CNBD1: variants seen among roughly 807,000 people sequenced by gnomAD.
CNBD1 encodes the protein cyclic nucleotide-binding domain-containing protein 1.
In CNBD1, 71 loss-of-function variants were observed where a neutral mutation model predicts 54.4. The ratio of observed to expected loss-of-function variants is 1.30; its 90% CI spans 1.08 to 1.59. The LOEUF (loss-of-function observed/expected upper bound fraction) is 1.59. Ranked by LOEUF, CNBD1 falls within the 40% of genes most tolerant of loss-of-function variation. The pLI, the probability that CNBD1 is intolerant of heterozygous loss-of-function variation, is 0.00. For missense variants in CNBD1, 659 were observed against 518.0 expected (o/e 1.27, Z -2.64); for synonymous variants, 182 against 170.7 (o/e 1.07, Z -0.51).
At chr8:87,055,288 C>T (rs1304151510) in intron 4 of CNBD1, among the ~76,000 whole-genome samples, 1 of 152,180 alleles carries the variant, frequency 6.6e-6, no homozygotes, top group Non-Finnish European at 1.5e-5. Context: ...AAACTTCTCT[C>T]ATCTCTGTTG....
At chr8:87,212,716 C>T (rs1814126269) in intron 5 of CNBD1, among the ~76,000 whole-genome samples, 1 of 151,930 alleles carries the variant, frequency 6.6e-6, no homozygotes, top group Non-Finnish European at 1.5e-5. Context: ...AAACATGAAT[C>T]AAGGATATAA....
intron 5 of CNBD1, among the ~76,000 whole-genome samples, chr8:87,207,763 G>C (rs960366385): frequency 6.6e-6 from 1 of 151,876 alleles, no homozygotes; most frequent in African/African-American, 2.4e-5. Context: ...CGTGATTGAC[G>C]ATTAAAATAT....
At chr8:87,007,163 TTCCAGCCTGGG>T (rs1563855825) in intron 4 of CNBD1, among the ~76,000 whole-genome samples, 1 of 151,650 alleles carries the variant, frequency 6.6e-6, no homozygotes, top group Non-Finnish European at 1.5e-5. Context: ...CGCCATTGCA[TTCCAGCCTGGG>T]TGACAAGAGT....
At chr8:87,358,900 G>T (rs1396175861) in intron 10 of CNBD1, among the ~76,000 whole-genome samples, 8 of 152,150 alleles carry the variant, frequency 5.3e-5, no homozygotes, top group Non-Finnish European at 1.0e-4. Context: ...GAGATAGACA[G>T]AATTCCTCTG....
intron 10 of CNBD1, among the ~76,000 whole-genome samples, chr8:87,369,689 T>C (rs1210366930): frequency 6.6e-6 from 1 of 151,998 alleles, no homozygotes; most frequent in Non-Finnish European, 1.5e-5. Context: ...TTGAGTATCA[T>C]TTGTGGATGA....
At chr8:87,227,815 G>A (rs1046622855) in intron 5 of CNBD1, among the ~76,000 whole-genome samples, 1 of 149,494 alleles carries the variant, frequency 6.7e-6, no homozygotes. Context: ...AAATTCTCCT[G>A]GATAATATCC....
intron 2 of CNBD1, among the ~76,000 whole-genome samples, chr8:87,426,374 C>T (rs745542133): frequency 7.2e-5 from 11 of 152,122 alleles, no homozygotes; most frequent in Non-Finnish European, 1.3e-4. Context: ...TTATTAAATG[C>T]AACATCATGA....
intron 4 of CNBD1, among the ~76,000 whole-genome samples, chr8:87,103,223 T>C (rs1811467714): frequency 6.6e-6 from 1 of 151,942 alleles, no homozygotes; most frequent in Non-Finnish European, 1.5e-5. Context: ...GTATGGTGAG[T>C]AGGATGGGAA....
intron 4 of CNBD1, among the ~76,000 whole-genome samples, chr8:87,183,072 T>G (rs1813390957): frequency 6.6e-6 from 1 of 152,164 alleles, no homozygotes; most frequent in Admixed American, 6.5e-5. Context: ...GAGTTGATTT[T>G]TGAATATGGT....
In CNBD1 at chr8:87,353,848, T is replaced by A. The variant is rs566858067; in HGVS notation, c.1303+62T>A. Reference sequence around the variant, plus strand: ...TTATTGGATGAGTTCTTAAATTTTTTAAATTTTTTTCCTTATTAATCAGAT... The same window carrying A: ...TTATTGGATGAGTTCTTAAATTTTTAAAATTTTTTTCCTTATTAATCAGAT... On this transcript the variant is annotated intron_variant, in intron 10 of 10. Transcript: ENST00000518476. The A allele has an allele frequency of 5.2e-5, 70 of 1,337,686 alleles. 1 individual carries two copies. The highest frequency in any genetic ancestry group is 7.6e-5 in the Admixed American group (3 of 39,730). The allele number at this position is 1,337,686 out of a possible 1,614,324, so 82.9% of individuals were successfully genotyped here.
chr8:87,182,578 T>C lies in CNBD1; in HGVS notation c.432-23415T>C, dbSNP rs1187283294. Among the ~76,000 whole-genome samples, 2 of 152,164 alleles carry C rather than the reference T, an allele frequency of 1.3e-5. No homozygotes were observed. Among genetic ancestry groups the C allele is most frequent in the Non-Finnish European group, 2.9e-5 (2 of 68,028 alleles). Reference sequence around the variant, plus strand: ...TTGTTATTTTTTGACTTTTTAATGATAGCCATTCTGACTGATACGAGATGG... The same window carrying C: ...TTGTTATTTTTTGACTTTTTAATGACAGCCATTCTGACTGATACGAGATGG... On this transcript the variant is annotated intron_variant, in intron 4 of 10. Transcript: ENST00000518476. The surrounding 1 kb of genome is among the most constrained non-coding windows in gnomAD (Gnocchi z 4.1).
intron 4 of CNBD1, among the ~76,000 whole-genome samples, chr8:87,090,865 G>A (rs1174540676): frequency 6.6e-6 from 1 of 152,128 alleles, no homozygotes; most frequent in Non-Finnish European, 1.5e-5. Flanking sequence ...GTTAGGCTGT[G>A]CACGGTGGCT....
downstream of CNBD1, among the ~76,000 whole-genome samples, chr8:87,384,904 A>G (rs944515559): frequency 2.0e-5 from 3 of 152,202 alleles, no homozygotes; most frequent in African/African-American, 7.2e-5. Context: ...ACATTGTAAA[A>G]GATGGAATCA....
chr8:87,173,408 C>T (rs1423783726), intron 4 of CNBD1, among the ~76,000 whole-genome samples: 1 of 152,084 alleles, frequency 6.6e-6, no homozygotes, highest in Non-Finnish European at 1.5e-5. Context: ...TCTTATTGCT[C>T]ATTAACTTTC....
chr8:87,312,212 A>G (rs1809282530), intron 8 of CNBD1, among the ~76,000 whole-genome samples: 1 of 151,984 alleles, frequency 6.6e-6, no homozygotes, highest in Non-Finnish European at 1.5e-5. Flanking sequence ...AAATAAAACT[A>G]CTATATCGAT....
At chr8:87,249,403 A>G (rs1490866245) in intron 6 of CNBD1, among the ~76,000 whole-genome samples, 1 of 152,130 alleles carries the variant, frequency 6.6e-6, no homozygotes, top group East Asian at 1.9e-4. Flanking sequence ...GCCACAGAGC[A>G]GTATAAATCT....
intron 1 of CNBD1, among the ~76,000 whole-genome samples, chr8:86,875,722 T>G (rs1808510695): frequency 6.6e-6 from 1 of 152,234 alleles, no homozygotes; most frequent in South Asian, 2.1e-4. Flanking sequence ...TGTCTTTTGG[T>G]TTGATCTACT....
chr8:87,003,022 C>G (rs1259337946), intron 4 of CNBD1, among the ~76,000 whole-genome samples: 2 of 152,132 alleles, frequency 1.3e-5, no homozygotes, highest in African/African-American at 4.8e-5. Context: ...CAATGACCAC[C>G]AGTTCATGTC....
intron 4 of CNBD1, among the ~76,000 whole-genome samples, chr8:87,041,267 A>G (rs1245028748): frequency 2.6e-5 from 4 of 152,160 alleles, no homozygotes; most frequent in South Asian, 2.1e-4. Flanking sequence ...GAAAAGGCCT[A>G]GGAATGTGAC....
Sources: allele counts gnomAD v4.1 joint callset (sites outside exome capture counted in the v4.1 genomes callset), GRCh38; gene constraint gnomAD v4.1.1; non-coding constraint Gnocchi (gnomAD v3.1); transcripts MANE v1.5; gene names NCBI Gene and HGNC (gene_info 2026-07-23, HGNC 2026-07-21).